The following ANKFN1 variants were observed in gnomAD, a reference collection of about 807,000 sequenced individuals.
ANKFN1 encodes the protein ankyrin repeat and fibronectin type-III domain-containing protein 1.
A neutral mutation model predicts 108.7 loss-of-function variants in ANKFN1; 74 were observed. That is an observed-to-expected ratio of 0.68 (90% CI 0.56 to 0.83). ANKFN1 has a LOEUF of 0.83. Ranked by LOEUF, ANKFN1 falls within the 40% of genes least tolerant of loss-of-function variation. The pLI is 0.00. For missense variants in ANKFN1, 1,505 were observed against 1,382.3 expected, an observed-to-expected ratio of 1.09 and a Z score of -1.41; for synonymous variants, 547 against 516.2, an observed-to-expected ratio of 1.06 and a Z score of -0.81.
rs928842693 is a variant in ANKFN1, at chr17:56,449,996, CTG to C, written c.1207+814_1207+815del. ...ATTGGGACAGGGTCAGATTTCTGAT[CTG>C]TGTAACGATTCGTGGAAGAGGTACT... is the stretch of plus-strand genomic sequence containing the variant. On this transcript the variant is annotated intron_variant, in intron 11 of 20. Coordinates refer to ENST00000682825, the MANE Select transcript of ANKFN1 (RefSeq NM_001370326.1). Among the ~76,000 whole-genome samples, 89 of 152,204 alleles carry C rather than the reference CTG, an allele frequency of 5.8e-4. 7 individuals carry two copies. Among genetic ancestry groups the C allele is most frequent in the Non-Finnish European group, 1.5e-5 (1 of 68,042 alleles).
chr17:56,103,201 A>G (rs190541778), intron 4 of ANKFN1, among the ~76,000 whole-genome samples: 17 of 152,290 alleles, frequency 1.1e-4, no homozygotes, highest in Non-Finnish European at 2.2e-4. Context: ...GCGACATGAA[A>G]AGGAATCTCA....
chr17:56,227,825 T>C (rs1361360990), intron 2 of ANKFN1, 92 bp from the exon 3 acceptor site: 1 of 991,756 alleles, frequency 1.0e-6, no homozygotes, highest in Non-Finnish European at 1.5e-6. Flanking sequence ...TCTTTTTTTT[T>C]TCAATCAGTG....
At chr17:56,411,920 A>G (rs1009038032) in intron 8 of ANKFN1, among the ~76,000 whole-genome samples, 12 of 152,292 alleles carry the variant, frequency 7.9e-5, no homozygotes, top group African/African-American at 2.9e-4. Context: ...TTGCATCTAT[A>G]TTCATCAGGG....
chr17:56,475,412 A>G (rs1233154803), intron 15 of ANKFN1, among the ~76,000 whole-genome samples: 1 of 152,186 alleles, frequency 6.6e-6, no homozygotes, highest in Non-Finnish European at 1.5e-5. Flanking sequence ...GACAATGTAC[A>G]ATAACATCTG....
At chr17:56,068,479 A>C (rs949487628) in intron 4 of ANKFN1, among the ~76,000 whole-genome samples, 1 of 152,114 alleles carries the variant, frequency 6.6e-6, no homozygotes, top group Non-Finnish European at 1.5e-5. Context: ...ACATCTTCTC[A>C]TGTCTTTCCA....
At chr17:56,503,486 CATATAT>C (rs3052391) in intron 20 of ANKFN1, among the ~76,000 whole-genome samples, 9,650 of 81,132 alleles carry the variant, frequency 0.12, 515 homozygotes, top group Middle Eastern at 0.18. Context: ...GCACAAATTT[CATATAT>C]ATATATATAT....
chr17:56,293,885 G>A (rs1411957836), intron 3 of ANKFN1, among the ~76,000 whole-genome samples: 1 of 152,156 alleles, frequency 6.6e-6, no homozygotes, highest in East Asian at 1.9e-4. Context: ...CTTCTCCAGG[G>A]ATCTAGGGAA....
chr17:56,192,997 C>A (rs1246882312), intron 1 of ANKFN1, among the ~76,000 whole-genome samples: 3 of 138,976 alleles, frequency 2.2e-5, no homozygotes, highest in Non-Finnish European at 4.6e-5. Context: ...GACTTGGAAC[C>A]AACCCAAATG....
intron 14 of ANKFN1, among the ~76,000 whole-genome samples, chr17:56,464,935 C>T (rs546859555): frequency 6.6e-6 from 1 of 152,276 alleles, no homozygotes; most frequent in South Asian, 2.1e-4. Context: ...CAATGGTAGG[C>T]TGGAGCCAAC....
chr17:56,438,925 A>C (rs193217734), intron 8 of ANKFN1, among the ~76,000 whole-genome samples: 1 of 152,342 alleles, frequency 6.6e-6, no homozygotes, highest in East Asian at 1.9e-4. Flanking sequence ...GAGAAGGGGC[A>C]AAACCAGGAC....
intron 2 of ANKFN1, among the ~76,000 whole-genome samples, chr17:56,214,510 T>C (rs1344907407): frequency 1.3e-5 from 2 of 152,232 alleles, no homozygotes; most frequent in African/African-American, 4.8e-5. Context: ...TGCTCCCTAT[T>C]GCACAGGTGA....
At position 56,340,421 on chromosome 17, in the gene ANKFN1, GT is replaced by G. The variant is rs200000455; in HGVS notation, c.189-10337del. On this transcript the variant is annotated intron_variant, in intron 4 of 20. Transcript: ENST00000682825. ...GACACAGCCTAGGTTGTCTTCCAGG[GT>G]TTTTTTTATAGTTTTGGGATTTACA... Among the ~76,000 whole-genome samples, 201 of 151,768 alleles carry G rather than the reference GT, an allele frequency of 1.3e-3. 1 individual carries two copies. Among genetic ancestry groups the G allele is most frequent in the African/African-American group, 4.7e-3 (195 of 41,412 alleles).
rs566495590 is a variant in ANKFN1, at chr17:56,381,629, C to T, written c.910+6915C>T. On this transcript the variant is annotated intron_variant, in intron 8 of 20. Coordinates refer to ENST00000682825, the MANE Select transcript of ANKFN1 (RefSeq NM_001370326.1). The stretch of plus-strand genomic sequence containing the variant: ...GCTGAAAGCCAAGGCTCGAGAACTA[C>T]GTGAAGAATGCAGAAGCCTCAGGAG... 3.1e-3 allele frequency among the ~76,000 whole-genome samples: 466 copies of T among 151,926 alleles called. 1 individual carries two copies. Among genetic ancestry groups the T allele is most frequent in the Non-Finnish European group, 5.0e-3 (338 of 68,008 alleles).
intron 8 of ANKFN1, among the ~76,000 whole-genome samples, chr17:56,381,909 A>G (rs1334714119): frequency 1.3e-5 from 2 of 152,140 alleles, no homozygotes; most frequent in Non-Finnish European, 2.9e-5. Context: ...AGGCAGGCCA[A>G]CATTCAGATT....
chr17:56,059,278 G>C (rs1050993293), intron 4 of ANKFN1, among the ~76,000 whole-genome samples: 6 of 151,790 alleles, frequency 4.0e-5, no homozygotes, highest in Admixed American at 1.3e-4. Flanking sequence ...TTTTTTGAGG[G>C]GTTGTTTTTT....
At chr17:56,204,872 G>A (rs1390771960) in intron 1 of ANKFN1, among the ~76,000 whole-genome samples, 3 of 151,984 alleles carry the variant, frequency 2.0e-5, no homozygotes, top group Admixed American at 6.5e-5. Context: ...TCAGGAGATC[G>A]AGACCATCCT....
chr17:56,483,824 T>A (rs1277987536), intron 18 of ANKFN1, among the ~76,000 whole-genome samples: 1 of 152,218 alleles, frequency 6.6e-6, no homozygotes, highest in African/African-American at 2.4e-5. Flanking sequence ...CATAAGTGTC[T>A]ATTCGGTGCC....
At chr17:56,370,152 C>T (rs573592262) in intron 6 of ANKFN1, among the ~76,000 whole-genome samples, 9 of 152,098 alleles carry the variant, frequency 5.9e-5, no homozygotes, top group African/African-American at 1.2e-4. Context: ...GTTTGAGGTG[C>T]GCTGGGATGT....
intron 1 of ANKFN1, among the ~76,000 whole-genome samples, chr17:56,164,046 T>G (rs946456053): frequency 1.3e-5 from 2 of 152,198 alleles, no homozygotes; most frequent in African/African-American, 4.8e-5. Context: ...ATCCCCCATG[T>G]GAGTCAAACA....
Sources: allele counts gnomAD v4.1 joint callset (sites outside exome capture counted in the v4.1 genomes callset), GRCh38; gene constraint gnomAD v4.1.1; transcripts MANE v1.5; gene names NCBI Gene and HGNC (gene_info 2026-07-23, HGNC 2026-07-21).